Variants in RABGEF1 observed in about 807,000 individuals in gnomAD.
RABGEF1 encodes RAB guanine nucleotide exchange factor 1, also known as rab5 GDP/GTP exchange factor.
In RABGEF1, 26 loss-of-function variants were observed where a neutral mutation model predicts 57.3. The ratio of observed to expected loss-of-function variants is 0.45; its 90% confidence interval spans 0.33 to 0.63. The LOEUF is 0.63. Ranked by LOEUF, RABGEF1 falls within the 20% of genes least tolerant of loss-of-function variation. The pLI, the probability that RABGEF1 is intolerant of heterozygous loss-of-function variation, is 0.02. For synonymous variants in RABGEF1, 185 were observed against 210.7 expected, an observed-to-expected ratio of 0.88 and a Z score of 1.06; for missense variants, 464 against 607.6, an observed-to-expected ratio of 0.76 and a Z score of 2.48.
chr7:66,656,595 T>G, the RABGEF1 span, among the ~76,000 whole-genome samples: 3 of 151,386 alleles, frequency 2.0e-5, no homozygotes, highest in African/African-American at 7.3e-5. Context: ...GCCGAGGCGG[T>G]CGGATCATGT....
rs1295901773 is a variant in RABGEF1, at chr7:66,811,273, C to T, written c.*1989C>T. 5.3e-5 allele frequency: 8 copies of T among 152,138 alleles called. No homozygotes were observed. Among genetic ancestry groups the T allele is most frequent in the Non-Finnish European group, 1.0e-4 (7 of 68,010 alleles). 9.4% of individuals were successfully genotyped at this position (152,138 alleles called of 1,614,324 possible). ...GGAGGTATCTCATATTGGTCGAATT[C>T]TTCTGGTATGGACTCTTGCCTTATA... On this transcript the variant is annotated 3_prime_UTR_variant, in exon 9 of 9. Coordinates refer to ENST00000284957, the MANE Select transcript of RABGEF1 (RefSeq NM_014504.3).
At chr7:66,667,701 G>C in the RABGEF1 span, 2 of 152,216 alleles carry the variant, frequency 1.3e-5, no homozygotes, top group Admixed American at 1.3e-4. Flanking sequence ...CATCTACTCT[G>C]TGTCCAGCCC....
upstream of RABGEF1, among the ~76,000 whole-genome samples, chr7:66,680,810 G>A (rs529276733): frequency 2.6e-5 from 4 of 152,170 alleles, no homozygotes; most frequent in East Asian, 1.9e-4. Flanking sequence ...AGCCGGGTGC[G>A]GAGGCTCACA....
At chr7:66,765,141 T>C (rs1805380577) in intron 1 of RABGEF1, among the ~76,000 whole-genome samples, 1 of 150,898 alleles carries the variant, frequency 6.6e-6, no homozygotes, top group South Asian at 2.1e-4. Context: ...CTTAGTTGGG[T>C]GAAAAGGTGG....
chr7:66,698,572 A>C (rs1385325046), intron 1 of RABGEF1, among the ~76,000 whole-genome samples: 1 of 152,090 alleles, frequency 6.6e-6, no homozygotes, highest in African/African-American at 2.4e-5. Context: ...CTGGGCAGGG[A>C]GGGGCCAGGT....
chr7:66,746,253 T>C (rs1480598245), intron 1 of RABGEF1, among the ~76,000 whole-genome samples: 6 of 152,198 alleles, frequency 3.9e-5, no homozygotes, highest in Non-Finnish European at 7.3e-5. Flanking sequence ...AATTCCTGTT[T>C]TCAATGAAGT....
intron 1 of RABGEF1, among the ~76,000 whole-genome samples, chr7:66,707,102 A>G (rs1349007494): frequency 1.3e-5 from 2 of 151,960 alleles, no homozygotes; most frequent in Non-Finnish European, 2.9e-5. Context: ...GTTATTTTTG[A>G]AGTATGTTGA....
the RABGEF1 span, among the ~76,000 whole-genome samples, chr7:66,656,717 G>A: frequency 6.6e-6 from 1 of 151,860 alleles, no homozygotes; most frequent in Admixed American, 6.6e-5. Flanking sequence ...TTACTCAGGA[G>A]GCTGAGGCAG....
intron 1 of RABGEF1, among the ~76,000 whole-genome samples, chr7:66,697,967 A>G (rs1792607817): frequency 6.6e-6 from 1 of 152,016 alleles, no homozygotes; most frequent in South Asian, 2.1e-4. Flanking sequence ...GGCCCTCTCC[A>G]TCCCCACTAC....
At chr7:66,751,310 C>T (rs1397697844) in intron 1 of RABGEF1, among the ~76,000 whole-genome samples, 2 of 152,322 alleles carry the variant, frequency 1.3e-5, no homozygotes, top group Non-Finnish European at 2.9e-5. Flanking sequence ...GCATTACAGG[C>T]GTGAGCCACC....
intron 1 of RABGEF1, among the ~76,000 whole-genome samples, chr7:66,759,479 A>T (rs1329037294): frequency 7.9e-5 from 12 of 152,200 alleles, no homozygotes. Flanking sequence ...GGTTGGTCAC[A>T]TAGTATATTA....
chr7:66,744,305 G>C (rs1799690192), intron 1 of RABGEF1, among the ~76,000 whole-genome samples: 1 of 151,482 alleles, frequency 6.6e-6, no homozygotes, highest in East Asian at 1.9e-4. Flanking sequence ...GGCCAAAGTG[G>C]GAGGATTGCT....
intron 1 of RABGEF1, among the ~76,000 whole-genome samples, chr7:66,692,078 C>T (rs181975924): frequency 0.037 from 4,817 of 128,596 alleles, 118 homozygotes; most frequent in East Asian, 0.1. Context: ...AACAAACAAA[C>T]AAATAAATAA....
rs183166338 is a variant in RABGEF1, at chr7:66,707,768, C to T, written c.-872-4399C>T. On this transcript the variant is annotated intron_variant and NMD_transcript_variant, in intron 1 of 9. Transcript: ENST00000607882. ...TTCCCTCCAATTACTGCAGTTTTTA[C>T]TTCATGTACTTTGAGGCTCTGTTTT... Among the ~76,000 whole-genome samples the T allele has an allele frequency of 1.2e-4, 18 of 152,128 alleles. 1 individual carries two copies. Among genetic ancestry groups the T allele is most frequent in the Admixed American group, 9.8e-4 (15 of 15,256 alleles).
At chr7:66,688,085 CAAAAAAAAA>C (rs60925853) in intron 1 of RABGEF1, among the ~76,000 whole-genome samples, 4 of 109,168 alleles carry the variant, frequency 3.7e-5, no homozygotes, top group Non-Finnish European at 7.0e-5. Context: ...AACTCTGTGT[CAAAAAAAAA>C]AAAAAAAAAA....
At chr7:66,663,903 A>T in the RABGEF1 span, among the ~76,000 whole-genome samples, 1 of 151,878 alleles carries the variant, frequency 6.6e-6, no homozygotes, top group Non-Finnish European at 1.5e-5. Flanking sequence ...GTGAAACCTC[A>T]TCTCTACTAA....
intron 4 of RABGEF1, among the ~76,000 whole-genome samples, chr7:66,787,982 CT>C: frequency 6.6e-6 from 1 of 152,330 alleles, no homozygotes; most frequent in Middle Eastern, 3.4e-3. Flanking sequence ...TGGAAAAACT[CT>C]TTTGCTGCTC....
chr7:66,676,258 G>A, the RABGEF1 span, among the ~76,000 whole-genome samples: 2 of 152,024 alleles, frequency 1.3e-5, no homozygotes, highest in Non-Finnish European at 2.9e-5. Flanking sequence ...ACTCCAGCCT[G>A]GGTGACAGAG....
At chr7:66,802,543 A>G (rs142380853) in intron 7 of RABGEF1, among the ~76,000 whole-genome samples, 34 of 152,278 alleles carry the variant, frequency 2.2e-4, no homozygotes, top group African/African-American at 7.9e-4. Context: ...TGGGGAGGGA[A>G]ATTATTAGAC....
Sources: allele counts gnomAD v4.1 joint callset (sites outside exome capture counted in the v4.1 genomes callset), GRCh38; gene constraint gnomAD v4.1.1; transcripts MANE v1.5; gene names NCBI Gene and HGNC (gene_info 2026-07-23, HGNC 2026-07-21).